EGFL6: variants seen among roughly 807,000 people sequenced by gnomAD.
EGFL6 encodes the protein EGF like domain multiple 6.
A neutral mutation model predicts 43.1 loss-of-function variants in EGFL6; 42 were observed. The ratio of observed to expected loss-of-function variants is 0.98; its 90% CI spans 0.76 to 1.26. EGFL6 has a LOEUF of 1.26. Among genes scored for constraint, EGFL6 ranks in the 50% most tolerant of loss-of-function variants. EGFL6 has a pLI of 0.00. For synonymous variants in EGFL6, 164 were observed against 163.2 expected (o/e 1.01, Z -0.04); for missense variants, 429 against 427.8 (o/e 1.00, Z -0.02).
Position 13,616,196 on chromosome X carries a change from C to T in EGFL6, c.779-1534C>T, listed in dbSNP as rs186922616. Among the ~76,000 whole-genome samples the T allele has an allele frequency of 4.6e-3, 510 of 111,333 alleles. 7 individuals are homozygous for T. Among genetic ancestry groups the T allele is most frequent in the Admixed American group, 0.031 (323 of 10,544 alleles). ...TATTCTGAATTATCATGAGTATATC[C>T]CTGAAAAGGAGACATATATCTTTGA... On this transcript the variant is annotated intron_variant, in intron 7 of 11. Transcript: ENST00000361306.
At chrX:13,624,444 TTC>T (rs1011967098) in intron 10 of EGFL6, among the ~76,000 whole-genome samples, 7 of 111,454 alleles carry the variant, frequency 6.3e-5, no homozygotes, top group African/African-American at 2.3e-4. Context: ...GAGCTTTCCC[TTC>T]TGTTTGTTGC....
intron 3 of EGFL6, among the ~76,000 whole-genome samples, chrX:13,598,905 A>T (rs940734757): frequency 1.1e-4 from 12 of 105,149 alleles, no homozygotes; most frequent in African/African-American, 3.8e-4. Context: ...TATAATTCAT[A>T]TATATATTTC....
chrX:13,616,407 C>T (rs747619649), intron 7 of EGFL6, among the ~76,000 whole-genome samples: 57 of 111,028 alleles, frequency 5.1e-4, no homozygotes, highest in African/African-American at 1.7e-3. Flanking sequence ...GTCAGGGGTT[C>T]GAGACTAGCC....
At chrX:13,629,778 T>A (rs1265865374) in intron 11 of EGFL6, among the ~76,000 whole-genome samples, 1 of 111,983 alleles carries the variant, frequency 8.9e-6, no homozygotes, top group Non-Finnish European at 1.9e-5. Context: ...AATTTAATCT[T>A]GGCTATTTCC....
intron 7 of EGFL6, among the ~76,000 whole-genome samples, chrX:13,613,157 C>CATATATATATATATATATATATATATAT (rs35293457): frequency 1.3e-4 from 12 of 89,405 alleles, no homozygotes; most frequent in African/African-American, 5.5e-4. Flanking sequence ...TAAATATATA[C>CATATATATATATATATATATATATATAT]ATATATATAT....
chrX:13,593,382 G>A (rs771966430), intron 2 of EGFL6, among the ~76,000 whole-genome samples: 4 of 112,078 alleles, frequency 3.6e-5, no homozygotes, highest in African/African-American at 1.3e-4. Context: ...GAGCCTGAAA[G>A]GGGGATTCTT....
In EGFL6 at chrX:13,633,040, G is replaced by A. The variant is rs1487157417; in HGVS notation, c.1607G>A (p.Gly536Asp). The change falls in exon 12 of 12, where the codon GGC (glycine) becomes GAC (aspartate). Residue 536 changes from glycine to aspartate, a missense_variant. By Grantham distance (94) the Gly-to-Asp change is moderately conservative. Coordinates refer to ENST00000361306, the MANE Select transcript of EGFL6 (RefSeq NM_015507.4). ...AAAACCGGCGAAATCGCAGTGGATG[G>A]CGTCTTGCTTGTTTCAGGCTTATGT... ...KGKTGEIAVD[G>D]VLLVSGLCPD... 8.3e-7 allele frequency: 1 copy of A among 1,206,591 alleles called. No homozygotes were observed. Among genetic ancestry groups the A allele is most frequent in the East Asian group, 3.0e-5 (1 of 33,449 alleles).
intron 1 of EGFL6, among the ~76,000 whole-genome samples, chrX:13,571,101 ACCCCAC>A (rs2045439873): frequency 3.0e-5 from 1 of 32,944 alleles, no homozygotes; most frequent in Non-Finnish European, 5.5e-5. Flanking sequence ...CCTTGACCCC[ACCCCAC>A]CCCCCACCAC....
chrX:13,594,693 T>C, intron 2 of EGFL6, 143 bp from the exon 3 acceptor site: 2 of 405,356 alleles, frequency 4.9e-6, no homozygotes, highest in Non-Finnish European at 8.6e-6. Context: ...AAGTGTGGTA[T>C]TGCCTCCCTT....
intron 2 of EGFL6, among the ~76,000 whole-genome samples, chrX:13,593,643 T>C (rs2045579355): frequency 1.8e-5 from 2 of 111,961 alleles, no homozygotes; most frequent in African/African-American, 6.5e-5. Flanking sequence ...GGATTCAGCA[T>C]CATCTTCCAA....
chrX:13,624,354 AC>A (rs763728919), intron 10 of EGFL6, among the ~76,000 whole-genome samples: 1 of 111,535 alleles, frequency 9.0e-6, no homozygotes, highest in Non-Finnish European at 1.9e-5. Flanking sequence ...CTCCACCTAA[AC>A]CTGGTGTTTT....
chrX:13,592,221 A>T (rs2045567962), intron 2 of EGFL6, among the ~76,000 whole-genome samples: 1 of 99,920 alleles, frequency 1.0e-5, no homozygotes, highest in Non-Finnish European at 2.1e-5. Context: ...GGCTTAAAAA[A>T]AAAAAAAAAG....
chrX:13,608,268 G>A (rs2146698748), intron 6 of EGFL6, 56 bp from the exon 7 acceptor site: 2 of 1,193,222 alleles, frequency 1.7e-6, no homozygotes, highest in Non-Finnish European at 2.3e-6. Context: ...GTGTAAGGGT[G>A]AGTCTTTCAG....
chrX:13,632,299 T>G (rs2045816071), intron 11 of EGFL6, among the ~76,000 whole-genome samples: 1 of 75,044 alleles, frequency 1.3e-5, no homozygotes, highest in Admixed American at 1.3e-4. Context: ...GTTTTTTGGT[T>G]TTTTTTTTTT....
Position 13,619,238 on chromosome X carries a change from A to C in EGFL6, c.1178A>C (p.His393Pro), listed in dbSNP as rs770047447. The C allele has an allele frequency of 1.7e-6, 2 of 1,201,649 alleles. No homozygotes were observed. The highest frequency in any genetic ancestry group is 2.3e-6 in the Non-Finnish European group (2 of 887,316). ...QRKALTSKLE[H>P]KDLNISVDCS... is the part of the protein sequence containing the mutation. The stretch of plus-strand genomic sequence containing the variant: ...AAAGCGCTAACTTCCAAACTGGAAC[A>C]TAAAGGTAAATAATTCTTTCTCCCA... The change falls in exon 9 of 12, where the codon CAT becomes CCT. Residue 393 changes from histidine (H) to proline (P), a missense_variant. Transcript: ENST00000361306.
intron 7 of EGFL6, among the ~76,000 whole-genome samples, chrX:13,615,484 A>G (rs1331805801): frequency 8.9e-6 from 1 of 111,835 alleles, no homozygotes; most frequent in African/African-American, 3.3e-5. Context: ...GCAGTCGACC[A>G]TGGATGGAAT....
At chrX:13,579,405 T>G (rs986747796) in intron 1 of EGFL6, among the ~76,000 whole-genome samples, 1 of 111,502 alleles carries the variant, frequency 9.0e-6, no homozygotes, top group Non-Finnish European at 1.9e-5. Flanking sequence ...GCTCCACCCA[T>G]GTTCTTGCAA....
rs778818739 is a variant in EGFL6, at chrX:13,627,131, G to T, written c.1406G>T (p.Arg469Leu). 8.3e-7 allele frequency: 1 copy of T among 1,210,433 alleles called. No homozygotes were observed. Among genetic ancestry groups the T allele is most frequent in the African/African-American group, 1.7e-5 (1 of 57,296 alleles). ...AACTTCTGTTTGCTCTTTGATTACC[G>T]GCTGGCCGGAGACAAAGTCGGGAAA... The part of the protein sequence containing the change: ...QSNFCLLFDY[R>L]LAGDKVGKLR... Residue 469 changes from arginine to leucine, a missense_variant, in exon 11 of 12, where the codon CGG becomes CTG. Physicochemically the swap from Arg to Leu is moderately radical, Grantham distance 102 (BLOSUM62 -2). Transcript: ENST00000361306.
chrX:13,569,827 G>A lies in EGFL6; in HGVS notation c.-35G>A. ...GGGTCCGGCCGGCGCCCTCCCGAGG[G>A]GGGCTCAGGAGGAGGAAGGAGGACC... is the stretch of plus-strand genomic sequence containing the variant. On this transcript the variant is annotated 5_prime_UTR_variant, in exon 1 of 12. Coordinates refer to ENST00000361306, the MANE Select transcript of EGFL6 (RefSeq NM_015507.4). 6 of 1,197,570 alleles carry A rather than the reference G, an allele frequency of 5.0e-6. No individual in the cohort carries two copies. The highest frequency in any genetic ancestry group is 6.8e-6 in the Non-Finnish European group (6 of 882,842).
Sources: gnomAD v4.1 joint callset for allele counts (sites outside exome capture counted in the v4.1 genomes callset) on GRCh38, gnomAD v4.1.1 for gene constraint, MANE v1.5 for transcripts, NCBI Gene and HGNC (gene_info 2026-07-23, HGNC 2026-07-21) for gene names.